CDH4: variants seen among roughly 807,000 people sequenced by gnomAD.
CDH4 encodes the protein cadherin-4.
Under a neutral mutation model 86.0 loss-of-function variants are expected in CDH4, and 33 were observed. The ratio of observed to expected loss-of-function variants is 0.38; its 90% confidence interval spans 0.29 to 0.51. The LOEUF (loss-of-function observed/expected upper bound fraction) is 0.51, where lower values mean the gene tolerates loss of function less well. Ranked by LOEUF, CDH4 falls within the 20% of genes least tolerant of loss-of-function variation. The pLI, the probability that CDH4 is intolerant of heterozygous loss-of-function variation, is 0.86. For synonymous variants in CDH4, 555 were observed against 549.4 expected (o/e 1.01, Z -0.14); for missense variants, 1,114 against 1,307.4 (o/e 0.85, Z 2.28).
rs1412711095 is a variant in CDH4, at chr20:61,754,844, A to T, written c.396+11055A>T. 1.3e-5 allele frequency: 2 copies of T among 151,936 alleles called. No individual in the cohort carries two copies. Among genetic ancestry groups the T allele is most frequent in the Non-Finnish European group, 2.9e-5 (2 of 67,944 alleles). The allele number at this position is 151,936 out of a possible 1,614,324, so 9.4% of individuals were successfully genotyped here. On this transcript the variant is annotated intron_variant, in intron 3 of 15. Transcript: ENST00000614565. This position sits in a 1 kb window ranked among gnomAD's most constrained non-coding sequence, Gnocchi z 4.7. ...ATGCCACACACCACACACATGCCCC[A>T]CACACACCACACAGTGCACGCCACA...
chr20:61,774,994 A>G (rs1434167784), intron 4 of CDH4, among the ~76,000 whole-genome samples: 1 of 152,130 alleles, frequency 6.6e-6, no homozygotes, highest in Non-Finnish European at 1.5e-5. Context: ...ATACACGTGC[A>G]TGTGTCTTTA....
chr20:61,631,497 A>G (rs2145788356), intron 2 of CDH4, among the ~76,000 whole-genome samples: 1 of 152,272 alleles, frequency 6.6e-6, no homozygotes, highest in African/African-American at 2.4e-5. Context: ...AAAATTAGCT[A>G]GGCTGGGTGT....
At chr20:61,576,999 G>A (rs1044160423) in intron 2 of CDH4, among the ~76,000 whole-genome samples, 3 of 152,234 alleles carry the variant, frequency 2.0e-5, no homozygotes, top group African/African-American at 4.8e-5. Flanking sequence ...CCCAGCTGAT[G>A]GCTGTAGGAG....
At chr20:61,731,842 C>G (rs977475117) in intron 2 of CDH4, among the ~76,000 whole-genome samples, 1 of 152,134 alleles carries the variant, frequency 6.6e-6, no homozygotes, top group Non-Finnish European at 1.5e-5. Flanking sequence ...CACGAGGACT[C>G]GGGGGCTGCA....
At chr20:61,647,464 G>A (rs574285342) in intron 2 of CDH4, among the ~76,000 whole-genome samples, 1 of 151,666 alleles carries the variant, frequency 6.6e-6, no homozygotes, top group African/African-American at 2.4e-5. Context: ...TTATGTCTTT[G>A]TATCTCAAAG....
At chr20:61,869,607 G>A (rs111294322) in intron 6 of CDH4, among the ~76,000 whole-genome samples, 6,872 of 152,220 alleles carry the variant, frequency 0.045, 545 homozygotes, top group African/African-American at 0.16. Context: ...CCAGCCTCCC[G>A]CTGACTTCCC....
Position 61,383,785 on chromosome 20 carries a change from GAAGATATATATGCATATA to G in CDH4, c.169+128849_169+128866del, listed in dbSNP as rs1568823385. 1.9e-3 allele frequency among the ~76,000 whole-genome samples: 107 copies of G among 57,694 alleles called. 1 individual carries two copies. The highest frequency in any genetic ancestry group is 0.012 in the Middle Eastern group (1 of 84). The allele number at this position is 57,694 out of a possible 152,430, so 37.8% of individuals were successfully genotyped here. Reference sequence around the variant, plus strand: ...TATGAAGATATATATGCATATATATGAAGATATATATGCATATATATGAAGATATATATGCGTATATAT... The same window carrying G: ...TATGAAGATATATATGCATATATATGTATGAAGATATATATGCGTATATAT... On this transcript the variant is annotated intron_variant, in intron 2 of 15. Transcript: ENST00000614565.
chr20:61,363,432 T>TAC (rs1332537862), intron 2 of CDH4, among the ~76,000 whole-genome samples: 4 of 151,332 alleles, frequency 2.6e-5, no homozygotes, highest in East Asian at 1.9e-4. Context: ...CTCTCTCACA[T>TAC]ACACACACAC....
chr20:61,843,179 G>C (rs368590910), intron 4 of CDH4, among the ~76,000 whole-genome samples: 2 of 151,318 alleles, frequency 1.3e-5, no homozygotes, highest in African/African-American at 4.9e-5. Context: ...GGCCAGGCGC[G>C]GTGGCTCACG....
intron 2 of CDH4, among the ~76,000 whole-genome samples, chr20:61,396,229 C>A (rs547788034): frequency 5.9e-5 from 9 of 152,038 alleles, no homozygotes; most frequent in African/African-American, 2.2e-4. Flanking sequence ...AAACTCAGGT[C>A]GGGGTGGAGG....
Position 61,852,818 on chromosome 20 carries a change from A to G in CDH4, c.797A>G (p.Tyr266Cys). 1 of 1,614,068 alleles carries G rather than the reference A, an allele frequency of 6.2e-7. No homozygotes were observed. Among genetic ancestry groups the G allele is most frequent in the East Asian group, 2.2e-5 (1 of 44,878 alleles). The change falls in exon 6 of 16, where the codon TAC becomes TGC. Residue 266 changes from tyrosine (Y) to cysteine (C), a missense_variant. Transcript: ENST00000614565. ...KVENPIDLYI[Y>C]VIDMNDNRPE... Reference sequence around the variant, plus strand: ...GAGAACCCCATCGACCTGTACATCTACGTCATCGACATGAATGACAACCGC... The same window carrying G: ...GAGAACCCCATCGACCTGTACATCTGCGTCATCGACATGAATGACAACCGC...
intron 4 of CDH4, among the ~76,000 whole-genome samples, chr20:61,819,105 G>A (rs1980884348): frequency 1.3e-5 from 2 of 152,218 alleles, no homozygotes; most frequent in Admixed American, 1.3e-4. Context: ...TGGGCTCACT[G>A]CTGCAGCCCT....
intron 7 of CDH4, among the ~76,000 whole-genome samples, chr20:61,876,040 C>A (rs536238264): frequency 6.6e-6 from 1 of 152,232 alleles, no homozygotes; most frequent in Non-Finnish European, 1.5e-5. Context: ...CTGACTGGAG[C>A]GTGTGCGTGC....
At chr20:61,693,784 T>C (rs529629885) in intron 2 of CDH4, among the ~76,000 whole-genome samples, 1 of 152,018 alleles carries the variant, frequency 6.6e-6, no homozygotes, top group Non-Finnish European at 1.5e-5. Flanking sequence ...CCCCCATAAT[T>C]GTATGAGGCA....
chr20:61,903,128 ACATTCATT>A (rs748599295), intron 8 of CDH4, among the ~76,000 whole-genome samples: 3 of 152,056 alleles, frequency 2.0e-5, no homozygotes, highest in African/African-American at 4.8e-5. Context: ...TTATGTTTGC[ACATTCATT>A]CATTCATTCA....
At chr20:61,583,136 GACA>G (rs1268625753) in intron 2 of CDH4, among the ~76,000 whole-genome samples, 2 of 56,278 alleles carry the variant, frequency 3.6e-5, no homozygotes, top group Non-Finnish European at 9.0e-5. Flanking sequence ...TCTGCGGGGG[GACA>G]GAGGGCTCTG....
intron 4 of CDH4, 77 bp from the exon 5 acceptor site, chr20:61,844,591 G>A (rs974719038): frequency 4.3e-6 from 6 of 1,387,254 alleles, no homozygotes; most frequent in Non-Finnish European, 6.0e-6. Flanking sequence ...TCATGAGAGG[G>A]GATGAATGTC....
chr20:61,448,698 A>G (rs2085365137), intron 2 of CDH4, among the ~76,000 whole-genome samples: 1 of 152,156 alleles, frequency 6.6e-6, no homozygotes, highest in African/African-American at 2.4e-5. Flanking sequence ...CGAAATCGTC[A>G]CTGTGTTAAG....
chr20:61,801,750 G>T (rs1465814372), intron 4 of CDH4, among the ~76,000 whole-genome samples: 1 of 152,164 alleles, frequency 6.6e-6, no homozygotes, highest in African/African-American at 2.4e-5. Context: ...GCCTCCTCCA[G>T]CCTCTCTCTG....
Sources: allele counts gnomAD v4.1 joint callset (sites outside exome capture counted in the v4.1 genomes callset), GRCh38; gene constraint gnomAD v4.1.1; non-coding constraint Gnocchi (gnomAD v3.1); transcripts MANE v1.5; gene names NCBI Gene and HGNC (gene_info 2026-07-23, HGNC 2026-07-21).